Variants in PHACTR3 observed in about 807,000 individuals in gnomAD.
The protein encoded by PHACTR3 is phosphatase and actin regulator 3.
In PHACTR3, 16 loss-of-function variants were observed where a neutral mutation model predicts 66.8. That is an observed-to-expected ratio of 0.24 (90% CI 0.16 to 0.36). The LOEUF (loss-of-function observed/expected upper bound fraction) is 0.36, where lower values mean the gene tolerates loss of function less well. PHACTR3 is among the 10% of genes least tolerant of loss of function. PHACTR3 has a pLI of 1.00. For missense variants in PHACTR3, 647 were observed against 719.9 expected, an observed-to-expected ratio of 0.90 and a Z score of 1.16; for synonymous variants, 323 against 292.1, an observed-to-expected ratio of 1.11 and a Z score of -1.08.
chr20:59,650,545 A>C (rs888167390), intron 1 of PHACTR3, among the ~76,000 whole-genome samples: 12 of 152,134 alleles, frequency 7.9e-5, no homozygotes, highest in African/African-American at 2.9e-4. Flanking sequence ...TAACAATGGC[A>C]AGTGTTGCCA....
At chr20:59,717,244 A>T (rs1283459038) in intron 1 of PHACTR3, among the ~76,000 whole-genome samples, 1 of 152,190 alleles carries the variant, frequency 6.6e-6, no homozygotes, top group Non-Finnish European at 1.5e-5. Flanking sequence ...GATCTTAATA[A>T]TGAAAACAGC....
chr20:59,766,970 T>C (rs2040200619), intron 4 of PHACTR3, among the ~76,000 whole-genome samples: 1 of 152,180 alleles, frequency 6.6e-6, no homozygotes, highest in Admixed American at 6.5e-5. Context: ...GAATCCCTCA[T>C]ACTATTGAAA....
chr20:59,610,073 G>A (rs973512687), intron 1 of PHACTR3, among the ~76,000 whole-genome samples: 1 of 152,218 alleles, frequency 6.6e-6, no homozygotes, highest in Non-Finnish European at 1.5e-5. Context: ...AGGCAACACA[G>A]TGAAACCCTG....
intron 7 of PHACTR3, among the ~76,000 whole-genome samples, chr20:59,790,343 C>T (rs771433349): frequency 7.9e-5 from 12 of 152,120 alleles, no homozygotes; most frequent in Non-Finnish European, 1.3e-4. Context: ...GTAGCCAGCC[C>T]GGTGATACAG....
chr20:59,639,839 G>A (rs1349322924), intron 1 of PHACTR3, among the ~76,000 whole-genome samples: 3 of 152,168 alleles, frequency 2.0e-5, no homozygotes, highest in Non-Finnish European at 4.4e-5. Flanking sequence ...TGGAAGAGAT[G>A]TACTGTGCTG....
chr20:59,592,097 A>G (rs2033199733), intron 1 of PHACTR3, among the ~76,000 whole-genome samples: 1 of 152,056 alleles, frequency 6.6e-6, no homozygotes. Flanking sequence ...GCACACCTTG[A>G]TATTTCTATT....
chr20:59,701,069 T>C (rs753770203), intron 1 of PHACTR3, among the ~76,000 whole-genome samples: 4 of 152,204 alleles, frequency 2.6e-5, no homozygotes, highest in Non-Finnish European at 5.9e-5. Context: ...TGTAATTACA[T>C]GTGTGTACCA....
At chr20:59,769,208 A>G (rs1242673652) in intron 5 of PHACTR3, among the ~76,000 whole-genome samples, 1 of 152,156 alleles carries the variant, frequency 6.6e-6, no homozygotes, top group Non-Finnish European at 1.5e-5. Context: ...AGCATTTACC[A>G]CATTGCCCCA....
intron 1 of PHACTR3, among the ~76,000 whole-genome samples, chr20:59,651,504 A>G (rs1414512975): frequency 6.6e-6 from 1 of 152,234 alleles, no homozygotes. Context: ...ATATTTAGCA[A>G]AATTACATAA....
rs181118634 is a variant in PHACTR3, at chr20:59,830,002, C to T, written c.1329-6503C>T. Reference sequence around the variant, plus strand: ...TCCACTTCCTGAAATTACCTGCAGCCCCTGCTGCTGTGCTCATCATGCAGG... The same window carrying T: ...TCCACTTCCTGAAATTACCTGCAGCTCCTGCTGCTGTGCTCATCATGCAGG... On this transcript the variant is annotated intron_variant, in intron 8 of 12. Transcript: ENST00000371015. The surrounding 1 kb of genome is among the most constrained non-coding windows in gnomAD (Gnocchi z 5.8). 6.6e-6 allele frequency among the ~76,000 whole-genome samples: 1 copy of T among 151,732 alleles called. No individual in the cohort carries two copies. The highest frequency in any genetic ancestry group is 1.9e-4 in the East Asian group (1 of 5,170).
intron 1 of PHACTR3, among the ~76,000 whole-genome samples, chr20:59,674,816 T>TTG (rs200029446): frequency 6.1e-5 from 3 of 49,434 alleles, no homozygotes; most frequent in African/African-American, 1.3e-4. Flanking sequence ...CCTTCTCCTG[T>TTG]CCCCCACTTC....
intron 7 of PHACTR3, among the ~76,000 whole-genome samples, chr20:59,799,955 C>A (rs1357248378): frequency 1.3e-5 from 2 of 152,136 alleles, no homozygotes; most frequent in Non-Finnish European, 2.9e-5. Flanking sequence ...TAGCTATATA[C>A]CTCTTTGACT....
chr20:59,686,020 CT>C (rs1212820745), intron 1 of PHACTR3, among the ~76,000 whole-genome samples: 1 of 152,186 alleles, frequency 6.6e-6, no homozygotes, highest in Non-Finnish European at 1.5e-5. Flanking sequence ...ACATGAGGGA[CT>C]GTTTCATTCA....
intron 1 of PHACTR3, among the ~76,000 whole-genome samples, chr20:59,668,620 C>T (rs1710489577): frequency 6.6e-6 from 1 of 152,234 alleles, no homozygotes; most frequent in African/African-American, 2.4e-5. Flanking sequence ...TCTCAAAGCT[C>T]CTTCCAGTTA....
At chr20:59,788,238 A>C (rs1321648974) in intron 7 of PHACTR3, among the ~76,000 whole-genome samples, 1 of 152,222 alleles carries the variant, frequency 6.6e-6, no homozygotes, top group Non-Finnish European at 1.5e-5. Context: ...TTCACTTAGA[A>C]TAATAGCCTC....
chr20:59,673,448 G>A (rs972112428), intron 1 of PHACTR3, among the ~76,000 whole-genome samples: 5 of 152,196 alleles, frequency 3.3e-5, no homozygotes, highest in Admixed American at 6.5e-5. Flanking sequence ...TCTGCGGTTC[G>A]CCCCGCCCAG....
intron 1 of PHACTR3, among the ~76,000 whole-genome samples, chr20:59,693,872 GCC>G (rs1349919813): frequency 1.3e-5 from 2 of 152,164 alleles, no homozygotes; most frequent in Non-Finnish European, 2.9e-5. Context: ...AATGTACAAA[GCC>G]CCGTTAGTCC....
chr20:59,660,290 C>T (rs1266289385), intron 1 of PHACTR3, among the ~76,000 whole-genome samples: 2 of 152,188 alleles, frequency 1.3e-5, no homozygotes, highest in Non-Finnish European at 2.9e-5. Flanking sequence ...GTCAGAAGAT[C>T]GAGATCATCC....
chr20:59,600,702 G>A (rs1036928269), upstream of PHACTR3, among the ~76,000 whole-genome samples: 3 of 152,226 alleles, frequency 2.0e-5, no homozygotes, highest in Non-Finnish European at 4.4e-5. Flanking sequence ...GACTGACTCT[G>A]TCCCATCTTT....
Sources: gnomAD v4.1 joint callset for allele counts (sites outside exome capture counted in the v4.1 genomes callset) on GRCh38, gnomAD v4.1.1 for gene constraint, Gnocchi (gnomAD v3.1) non-coding constraint, MANE v1.5 for transcripts, NCBI Gene and HGNC (gene_info 2026-07-23, HGNC 2026-07-21) for gene names.